The following EVC2 variants were observed in gnomAD, a reference collection of about 807,000 sequenced individuals.
The protein encoded by EVC2 is limbin.
In EVC2, 148 loss-of-function variants were observed where a neutral mutation model predicts 149.3. That is an observed-to-expected ratio of 0.99 (90% CI 0.87 to 1.14). The LOEUF is 1.14. Ranked by LOEUF, EVC2 falls within the 50% of genes most tolerant of loss-of-function variation. The probability of loss-of-function intolerance (pLI) is 0.00; values close to 1 mark genes in which losing one functional copy is unlikely to be tolerated. For missense variants in EVC2, 1,854 were observed against 1,627.3 expected (o/e 1.14, Z -2.40); for synonymous variants, 776 against 649.9 (o/e 1.19, Z -2.95).
chr4:5,653,838 G>A (rs1331380259), intron 9 of EVC2, among the ~76,000 whole-genome samples: 6 of 152,254 alleles, frequency 3.9e-5, no homozygotes, highest in East Asian at 3.9e-4. Context: ...TCCTTAATGC[G>A]TGCCTGTTAC....
upstream of EVC2, chr4:5,708,728 G>T: frequency 2.2e-6 from 1 of 448,554 alleles, no homozygotes; most frequent in Non-Finnish European, 3.9e-6. Flanking sequence ...GCGCCCGGCG[G>T]CCAGGCCTGG....
chr4:5,577,614 C>T (rs558938210), intron 17 of EVC2, among the ~76,000 whole-genome samples: 1 of 152,146 alleles, frequency 6.6e-6, no homozygotes, highest in African/African-American at 2.4e-5. Context: ...CTCAAAGCCC[C>T]CTAAAGACTC....
At position 5,696,823 on chromosome 4, in the gene EVC2, A is replaced by T. The variant is rs1721505757; in HGVS notation, c.283+770T>A. Among the ~76,000 whole-genome samples, 1 of 152,212 alleles carries T rather than the reference A, an allele frequency of 6.6e-6. No homozygotes were observed. The highest frequency in any genetic ancestry group is 6.5e-5 in the Admixed American group (1 of 15,280). Reference sequence around the variant, plus strand: ...GACCACTGAGTGTGGCAAGCTGAATAAAGGTCCGCAAAGACAGCCAGGTCC... The same window carrying T: ...GACCACTGAGTGTGGCAAGCTGAATTAAGGTCCGCAAAGACAGCCAGGTCC... On this transcript the variant is annotated intron_variant, in intron 2 of 21. Coordinates refer to ENST00000344408, the MANE Select transcript of EVC2 (RefSeq NM_147127.5). The surrounding 1 kb of genome is among the most constrained non-coding windows in gnomAD (Gnocchi z 4.1).
chr4:5,594,204 C>T (rs899717538), intron 16 of EVC2, among the ~76,000 whole-genome samples: 4 of 152,196 alleles, frequency 2.6e-5, no homozygotes, highest in Admixed American at 6.5e-5. Flanking sequence ...TGTCTGACAG[C>T]TTTGAAGAGA....
chr4:5,669,398 G>A (rs1719484118), intron 7 of EVC2, among the ~76,000 whole-genome samples: 1 of 152,184 alleles, frequency 6.6e-6, no homozygotes, highest in Non-Finnish European at 1.5e-5. Context: ...GATGTCCACA[G>A]CTAAAACAAA....
chr4:5,627,475 G>T (rs1389821835), intron 12 of EVC2, among the ~76,000 whole-genome samples: 2 of 152,112 alleles, frequency 1.3e-5, no homozygotes, highest in African/African-American at 4.8e-5. Context: ...GCACCTTACG[G>T]AATCCTCATT....
intron 17 of EVC2, among the ~76,000 whole-genome samples, chr4:5,581,546 A>G (rs1711787606): frequency 6.6e-6 from 1 of 151,928 alleles, no homozygotes; most frequent in African/African-American, 2.4e-5. Flanking sequence ...GATTTAGGGT[A>G]TCTGCTGGAA....
intron 21 of EVC2, among the ~76,000 whole-genome samples, chr4:5,546,601 A>G (rs4550861): frequency 0.3 from 45,155 of 151,758 alleles, 8,017 homozygotes; most frequent in East Asian, 0.86. Flanking sequence ...GCATTAGGAG[A>G]TATACCTAAT....
chr4:5,685,535 C>T (rs994878937), intron 5 of EVC2, 56 bp from the exon 6 acceptor site: 41 of 1,404,900 alleles, frequency 2.9e-5, no homozygotes, highest in South Asian at 1.4e-4. Flanking sequence ...CCCCCGGCTG[C>T]ACCCCACCAC....
intron 2 of EVC2, among the ~76,000 whole-genome samples, chr4:5,697,114 T>C (rs1033097126): frequency 1.3e-5 from 2 of 152,164 alleles, no homozygotes; most frequent in African/African-American, 4.8e-5. Flanking sequence ...ACGCAGGCAA[T>C]GCGGCCATAG....
intron 21 of EVC2, among the ~76,000 whole-genome samples, chr4:5,557,371 G>A (rs894923672): frequency 6.6e-6 from 1 of 152,024 alleles, no homozygotes; most frequent in African/African-American, 2.4e-5. Flanking sequence ...ATACACATAC[G>A]ATAAAATCTC....
intron 10 of EVC2, among the ~76,000 whole-genome samples, chr4:5,639,741 T>C (rs563597803): frequency 1.3e-5 from 2 of 152,366 alleles, no homozygotes; most frequent in Non-Finnish European, 2.9e-5. Context: ...ATCACAACTT[T>C]CTGTGAACCA....
intron 7 of EVC2, among the ~76,000 whole-genome samples, chr4:5,668,375 A>C (rs1400402699): frequency 6.6e-6 from 1 of 152,214 alleles, no homozygotes; most frequent in Non-Finnish European, 1.5e-5. Flanking sequence ...GCCTCTGTCC[A>C]CAAAGGCTGT....
Position 5,640,260 on chromosome 4 carries a change from C to G in EVC2, c.1470+254G>C, listed in dbSNP as rs1055703761. ...GTGGGTGGATGAATGGATAGGTGCA[C>G]AGATGATTGGATGAGTGGGTGGATG... On this transcript the variant is annotated intron_variant, in intron 10 of 21. Coordinates refer to ENST00000344408, the MANE Select transcript of EVC2 (RefSeq NM_147127.5). The surrounding 1 kb of genome is among the most constrained non-coding windows in gnomAD (Gnocchi z 4.6). 3.2e-4 allele frequency among the ~76,000 whole-genome samples: 49 copies of G among 150,902 alleles called. No individual in the cohort carries two copies. The highest frequency in any genetic ancestry group is 1.1e-3 in the African/African-American group (46 of 40,942).
chr4:5,645,816 T>C (rs1295994824), intron 9 of EVC2, among the ~76,000 whole-genome samples: 1 of 152,258 alleles, frequency 6.6e-6, no homozygotes, highest in African/African-American at 2.4e-5. Flanking sequence ...GTTCTGTTTT[T>C]AGGTCTTTGA....
At chr4:5,639,449 G>C (rs1343957527) in intron 10 of EVC2, among the ~76,000 whole-genome samples, 1 of 152,264 alleles carries the variant, frequency 6.6e-6, no homozygotes, top group African/African-American at 2.4e-5. Flanking sequence ...ATCTAGGCCA[G>C]CCCTGGCAAG....
chr4:5,634,434 C>T (rs1308588155), intron 10 of EVC2, among the ~76,000 whole-genome samples: 1 of 152,148 alleles, frequency 6.6e-6, no homozygotes, highest in East Asian at 1.9e-4. Flanking sequence ...TAGAATTTGA[C>T]AAGTCCCAAA....
intron 16 of EVC2, among the ~76,000 whole-genome samples, chr4:5,596,125 CT>C (rs941366966): frequency 6.6e-6 from 1 of 152,192 alleles, no homozygotes; most frequent in Non-Finnish European, 1.5e-5. Context: ...CAATGGGAGA[CT>C]TTAACACCCC....
intron 16 of EVC2, among the ~76,000 whole-genome samples, chr4:5,598,813 C>G (rs1713706202): frequency 1.3e-5 from 2 of 152,088 alleles, no homozygotes; most frequent in South Asian, 2.1e-4. Context: ...TTTTTGCAAC[C>G]TACTCATCAG....
Sources: gnomAD v4.1 joint callset for allele counts (sites outside exome capture counted in the v4.1 genomes callset) on GRCh38, gnomAD v4.1.1 for gene constraint, Gnocchi (gnomAD v3.1) non-coding constraint, MANE v1.5 for transcripts, NCBI Gene and HGNC (gene_info 2026-07-23, HGNC 2026-07-21) for gene names.